RUFY3: variants seen among roughly 807,000 people sequenced by gnomAD.
RUFY3 encodes the protein protein RUFY3.
Under a neutral mutation model 84.0 loss-of-function variants are expected in RUFY3, and 34 were observed. The observed-to-expected ratio is 0.40, with a 90% CI of 0.31 to 0.54. The LOEUF is 0.54. Ranked by LOEUF, RUFY3 falls within the 20% of genes least tolerant of loss-of-function variation. The probability of loss-of-function intolerance (pLI) is 0.39; values close to 1 mark genes in which losing one functional copy is unlikely to be tolerated. For missense variants in RUFY3, 507 were observed against 736.8 expected, an observed-to-expected ratio of 0.69 and a Z score of 3.61; for synonymous variants, 242 against 252.9, an observed-to-expected ratio of 0.96 and a Z score of 0.41.
At chr4:70,782,291 C>CT (rs768126305) in intron 8 of RUFY3, among the ~76,000 whole-genome samples, 4,476 of 135,594 alleles carry the variant, frequency 0.033, 177 homozygotes, top group African/African-American at 0.095. Flanking sequence ...TATTTTATTT[C>CT]TTTTTTTTTT....
intron 8 of RUFY3, among the ~76,000 whole-genome samples, chr4:70,782,189 T>G (rs1418823569): frequency 6.6e-6 from 1 of 152,078 alleles, no homozygotes; most frequent in African/African-American, 2.4e-5. Flanking sequence ...TAATAAATAA[T>G]TTTTTTCTTA....
intron 1 of RUFY3, among the ~76,000 whole-genome samples, chr4:70,732,687 C>T (rs1326308689): frequency 5.3e-5 from 8 of 150,708 alleles, no homozygotes; most frequent in Admixed American, 2.0e-4. Flanking sequence ...TGTTCTCACT[C>T]ATAAGTGGGA....
rs575398745 is a variant in RUFY3, at chr4:70,803,612, G to A, written c.1650+629G>A. Among the ~76,000 whole-genome samples the A allele has an allele frequency of 9.2e-4, 140 of 152,016 alleles. 1 individual carries two copies. The highest frequency in any genetic ancestry group is 3.4e-3 in the Middle Eastern group (1 of 292). On this transcript the variant is annotated intron_variant, in intron 16 of 17. Transcript: ENST00000381006. ...AGGGCTGCAGAGATTAGGTTTCACCGTGTTGCCCAGGCTGGTCTCAAACTC... is the reference window on the plus strand; with the variant it reads ...AGGGCTGCAGAGATTAGGTTTCACCATGTTGCCCAGGCTGGTCTCAAACTC...
At chr4:70,711,064 GAAAAAA>G (rs950005722) in intron 1 of RUFY3, among the ~76,000 whole-genome samples, 196 of 54,078 alleles carry the variant, frequency 3.6e-3, no homozygotes, top group African/African-American at 7.8e-3. Context: ...ACTCCGTCTG[GAAAAAA>G]AAAAAAAAAA....
chr4:70,763,508 G>C (rs1174511444), intron 2 of RUFY3, 44 bp from the exon 3 acceptor site: 1 of 1,504,480 alleles, frequency 6.6e-7, no homozygotes, highest in African/African-American at 1.4e-5. Flanking sequence ...GTGCGCTTAT[G>C]TTGTAAAGAA....
In RUFY3 at chr4:70,778,586, T is replaced by TTC; in HGVS notation, c.894+149_894+150insCT. On this transcript the variant is annotated intron_variant, in intron 8 of 17. Coordinates refer to ENST00000381006, the MANE Select transcript of RUFY3 (RefSeq NM_001037442.4). Reference sequence around the variant, plus strand: ...TAACTTCTTATTCTTTTTTTTTTTTTTTTTTTTTTTGAGATGGAGTTTCGC... The same window carrying TTC: ...TAACTTCTTATTCTTTTTTTTTTTTTTCTTTTTTTTTTGAGATGGAGTTTCGC... 5 of 500,874 alleles carry TTC rather than the reference T, an allele frequency of 1.0e-5. No homozygotes were observed. In the East Asian group the frequency reaches 1.8e-4, roughly 18 times the overall value. The allele number at this position is 500,874 out of a possible 1,614,324, so 31.0% of individuals were successfully genotyped here.
intron 1 of RUFY3, among the ~76,000 whole-genome samples, chr4:70,729,762 A>G (rs1718911926): frequency 1.3e-5 from 2 of 152,144 alleles, no homozygotes; most frequent in Admixed American, 1.3e-4. Flanking sequence ...TTTTATATCT[A>G]TCTTTATAGA....
rs545323960 is a variant in RUFY3 at position 70,789,187 on chromosome 4, T to G, written c.1239+214T>G. 2.4e-3 allele frequency among the ~76,000 whole-genome samples: 365 copies of G among 152,300 alleles called. 1 individual carries two copies. Among genetic ancestry groups the G allele is most frequent in the Middle Eastern group, 0.02 (6 of 294 alleles). ...ACCATGGCCACTTTTCACATTATAG[T>G]AGAGGATGAGGGTCTTTTTTATCCT... On this transcript the variant is annotated intron_variant, in intron 11 of 17. Coordinates refer to ENST00000381006, the MANE Select transcript of RUFY3 (RefSeq NM_001037442.4).
At position 70,773,558 on chromosome 4, in the gene RUFY3, T is replaced by C. The variant is rs1190926223; in HGVS notation, c.744T>C (p.Ser248=). 1 of 1,610,332 alleles carries C rather than the reference T, an allele frequency of 6.2e-7. No homozygotes were observed. Among genetic ancestry groups the C allele is most frequent in the Non-Finnish European group, 8.5e-7 (1 of 1,176,722 alleles). ...FSMYLKDGNS[S]KGTEGDGQIT... ...TGTATCTCAAGGACGGGAACAGCAG[T>C]AAAGGTACTGAAGGGTACGTACAAA... Residue 248 remains serine, a synonymous_variant, in exon 6 of 18, where the codon AGT becomes AGC. Transcript: ENST00000381006.
intron 10 of RUFY3, among the ~76,000 whole-genome samples, chr4:70,787,571 A>ATT (rs1397527140): frequency 6.6e-6 from 1 of 151,978 alleles, no homozygotes; most frequent in East Asian, 1.9e-4. Context: ...AGAATTTCAG[A>ATT]TTTTTTGAAA....
intron 2 of RUFY3, 51 bp from the exon 3 acceptor site, chr4:70,763,501 C>T (rs775343672): frequency 1.1e-5 from 16 of 1,425,002 alleles, no homozygotes; most frequent in African/African-American, 8.6e-5. Context: ...ATTGAGAGTG[C>T]GCTTATGTTG....
chr4:70,730,572 C>CAAAAAAAAAAAAAAAAAAAAA (rs796173421), intron 1 of RUFY3, among the ~76,000 whole-genome samples: 5 of 106,550 alleles, frequency 4.7e-5, no homozygotes, highest in Non-Finnish European at 6.0e-5. Flanking sequence ...ACTAAAAATA[C>CAAAAAAAAAAAAAAAAAAAAA]AAAAAAAAAA....
At chr4:70,715,387 C>T (rs1291754507) in intron 1 of RUFY3, among the ~76,000 whole-genome samples, 1 of 151,822 alleles carries the variant, frequency 6.6e-6, no homozygotes, top group African/African-American at 2.4e-5. Context: ...AGTTCAAGAC[C>T]AGGCTGGCCA....
intron 1 of RUFY3, among the ~76,000 whole-genome samples, chr4:70,730,207 G>A (rs1719015550): frequency 6.6e-6 from 1 of 151,968 alleles, no homozygotes; most frequent in African/African-American, 2.4e-5. Flanking sequence ...ACAAGCGTGA[G>A]CCACTGCACC....
At chr4:70,746,023 G>C (rs543891365) in intron 1 of RUFY3, among the ~76,000 whole-genome samples, 2 of 152,164 alleles carry the variant, frequency 1.3e-5, no homozygotes, top group African/African-American at 4.8e-5. Context: ...CTGGGCAATA[G>C]AGTGAGTCTC....
intron 1 of RUFY3, among the ~76,000 whole-genome samples, chr4:70,730,750 T>TAA (rs147279603): frequency 6.6e-6 from 1 of 151,392 alleles, no homozygotes; most frequent in African/African-American, 2.4e-5. Flanking sequence ...TCTCAAAAAT[T>TAA]AAAAAAAGTA....
intron 1 of RUFY3, among the ~76,000 whole-genome samples, chr4:70,731,518 T>G (rs759936266): frequency 6.6e-6 from 1 of 152,190 alleles, no homozygotes; most frequent in Non-Finnish European, 1.5e-5. Flanking sequence ...CTCTATATGC[T>G]AAATTTAGCT....
At chr4:70,773,416 T>C (rs1220911299) in intron 5 of RUFY3, 95 bp from the exon 6 acceptor site, 2 of 774,012 alleles carry the variant, frequency 2.6e-6, no homozygotes, top group Non-Finnish European at 4.4e-6. Context: ...GTGTCATGAC[T>C]GTATTACTGT....
At chr4:70,761,736 A>G (rs189261924) in intron 1 of RUFY3, among the ~76,000 whole-genome samples, 6 of 152,364 alleles carry the variant, frequency 3.9e-5, no homozygotes, top group Admixed American at 3.3e-4. Context: ...ACTGTATGCT[A>G]AGACTTAAAA....
Sources: allele counts gnomAD v4.1 joint callset (sites outside exome capture counted in the v4.1 genomes callset), GRCh38; gene constraint gnomAD v4.1.1; transcripts MANE v1.5; gene names NCBI Gene and HGNC (gene_info 2026-07-23, HGNC 2026-07-21).